Variants in CERS6 observed in about 807,000 individuals in gnomAD.
CERS6 encodes the protein LAG1 homolog, ceramide synthase 6.
CERS6 carries 26 observed loss-of-function variants against 56.8 expected under a neutral mutation model. The ratio of observed to expected loss-of-function variants is 0.46; its 90% CI spans 0.34 to 0.63. The LOEUF is 0.63. Ranked by LOEUF, CERS6 falls within the 30% of genes least tolerant of loss-of-function variation. CERS6 has a pLI of 0.01. For synonymous variants in CERS6, 164 were observed against 173.3 expected (o/e 0.95, Z 0.42); for missense variants, 415 against 467.5 (o/e 0.89, Z 1.04).
chr2:168,656,556 TAGC>T (rs1432885383), intron 4 of CERS6, among the ~76,000 whole-genome samples: 12 of 151,316 alleles, frequency 7.9e-5, no homozygotes, highest in African/African-American at 2.7e-4. Context: ...GCTCTTAAGG[TAGC>T]GCGTCTGGAG....
chr2:168,651,981 T>C (rs1454111529), intron 4 of CERS6, among the ~76,000 whole-genome samples: 2 of 152,162 alleles, frequency 1.3e-5, no homozygotes, highest in Admixed American at 6.5e-5. Context: ...CTGTGTGTTA[T>C]TGTTTACAAA....
At position 168,772,795 on chromosome 2, in the gene CERS6, C is replaced by T. The variant is rs1342241623; in HGVS notation, c.*3133C>T. The T allele has an allele frequency of 2.6e-5, 4 of 152,620 alleles. No individual in the cohort carries two copies. The highest frequency in any genetic ancestry group is 6.5e-5 in the Admixed American group (1 of 15,284). The allele number at this position is 152,620 out of a possible 1,614,324, so 9.5% of individuals were successfully genotyped here. On this transcript the variant is annotated 3_prime_UTR_variant, in exon 10 of 10. Transcript: ENST00000305747. Reference sequence around the variant, plus strand: ...GCTTTACCCCAGGGTTTATTAGCATCCTACTTCTGCTGGGCTGCATCATTA... The same window carrying T: ...GCTTTACCCCAGGGTTTATTAGCATTCTACTTCTGCTGGGCTGCATCATTA...
chr2:168,739,238 C>G (rs1014412925), intron 8 of CERS6, among the ~76,000 whole-genome samples: 1 of 151,794 alleles, frequency 6.6e-6, no homozygotes, highest in Non-Finnish European at 1.5e-5. Context: ...AATTCTGAGC[C>G]AGGCAGTGAT....
intron 6 of CERS6, among the ~76,000 whole-genome samples, chr2:168,699,383 C>G (rs569980529): frequency 5.4e-4 from 82 of 152,296 alleles, no homozygotes; most frequent in African/African-American, 1.8e-3. Flanking sequence ...AGAGTTATCA[C>G]AGTGTTTCTT....
At chr2:168,522,359 T>C (rs1198925190) in intron 1 of CERS6, among the ~76,000 whole-genome samples, 1 of 152,214 alleles carries the variant, frequency 6.6e-6, no homozygotes, top group Non-Finnish European at 1.5e-5. Flanking sequence ...ATTTATAAAC[T>C]ACCTTTTAAA....
intron 1 of CERS6, among the ~76,000 whole-genome samples, chr2:168,477,646 A>G (rs1330058023): frequency 2.6e-5 from 4 of 152,160 alleles, no homozygotes; most frequent in African/African-American, 7.2e-5. Flanking sequence ...TTTCCATGTG[A>G]ATTACCTTAA....
intron 3 of CERS6, among the ~76,000 whole-genome samples, chr2:168,604,741 TC>T (rs1165645059): frequency 6.6e-5 from 10 of 152,106 alleles, no homozygotes; most frequent in Non-Finnish European, 1.3e-4. Context: ...TGTGCCTGCT[TC>T]CCCTTTGCCT....
chr2:168,679,865 A>G (rs1255135094), intron 4 of CERS6, among the ~76,000 whole-genome samples: 9 of 152,178 alleles, frequency 5.9e-5, no homozygotes, highest in Admixed American at 5.2e-4. Context: ...ACTGATCCAC[A>G]TTGTTCTTAT....
At chr2:168,723,696 T>G (rs980403660) in intron 8 of CERS6, among the ~76,000 whole-genome samples, 5 of 152,212 alleles carry the variant, frequency 3.3e-5, no homozygotes, top group South Asian at 2.1e-4. Flanking sequence ...AATACTGTTA[T>G]GAGTTTCCTC....
intron 1 of CERS6, among the ~76,000 whole-genome samples, chr2:168,525,447 AT>A (rs1445699938): frequency 2.6e-5 from 4 of 152,202 alleles, no homozygotes; most frequent in Admixed American, 2.0e-4. Context: ...ACAAAATCTG[AT>A]TTGAGTTGGC....
chr2:168,643,878 A>G (rs530588641), intron 4 of CERS6, among the ~76,000 whole-genome samples: 2 of 152,310 alleles, frequency 1.3e-5, no homozygotes, highest in South Asian at 2.1e-4. Context: ...CTTTTGCCAT[A>G]TAAGGTAACA....
rs1185041561 is a variant in CERS6, at chr2:168,743,172, GTGTGTGTGTATGTGTGTGTGTATATATA to G, written c.846-22418_846-22391del. Among the ~76,000 whole-genome samples, 7 of 149,422 alleles carry G rather than the reference GTGTGTGTGTATGTGTGTGTGTATATATA, an allele frequency of 4.7e-5. No homozygotes were observed. In the East Asian group the frequency reaches 5.8e-4, roughly 12 times the overall value. Reference sequence around the variant, plus strand: ...CATATATATATATATATGTATGTATGTGTGTGTGTATGTGTGTGTGTATATATATATGTGTGTGTGTATGTGTGTGTGT... The same window carrying G: ...CATATATATATATATATGTATGTATGTATGTGTGTGTGTATGTGTGTGTGT... On this transcript the variant is annotated intron_variant, in intron 8 of 9. Transcript: ENST00000305747.
At chr2:168,707,005 T>C (rs998600675) in intron 6 of CERS6, among the ~76,000 whole-genome samples, 1 of 152,232 alleles carries the variant, frequency 6.6e-6, no homozygotes, top group African/African-American at 2.4e-5. Context: ...CAAACCCAAA[T>C]ATGGCCATCT....
chr2:168,502,247 C>T (rs1056464629), intron 1 of CERS6, among the ~76,000 whole-genome samples: 5 of 151,400 alleles, frequency 3.3e-5, no homozygotes, highest in Admixed American at 1.3e-4. Context: ...TTTGGACCTT[C>T]CTATAATTTT....
At chr2:168,625,988 T>C (rs1684581872) in intron 3 of CERS6, among the ~76,000 whole-genome samples, 1 of 152,124 alleles carries the variant, frequency 6.6e-6, no homozygotes, top group Admixed American at 6.5e-5. Flanking sequence ...CTTCCATTTT[T>C]AGGTATAAAA....
intron 3 of CERS6, among the ~76,000 whole-genome samples, chr2:168,625,321 T>C (rs1046930665): frequency 6.6e-6 from 1 of 152,212 alleles, no homozygotes; most frequent in Admixed American, 6.5e-5. Context: ...TCAGATTGAT[T>C]GATCACGTTA....
At chr2:168,674,699 G>T (rs964904151) in intron 4 of CERS6, among the ~76,000 whole-genome samples, 1 of 152,118 alleles carries the variant, frequency 6.6e-6, no homozygotes, top group Non-Finnish European at 1.5e-5. Flanking sequence ...TTTCTGCCTC[G>T]TGTCACAGCC....
intron 3 of CERS6, among the ~76,000 whole-genome samples, chr2:168,592,460 G>A (rs1683695326): frequency 6.6e-6 from 1 of 152,140 alleles, no homozygotes; most frequent in Non-Finnish European, 1.5e-5. Flanking sequence ...GGCAGCAATG[G>A]CAGTCACTGA....
At chr2:168,521,942 A>T (rs191300005) in intron 1 of CERS6, among the ~76,000 whole-genome samples, 7 of 152,330 alleles carry the variant, frequency 4.6e-5, no homozygotes, top group Admixed American at 4.6e-4. Context: ...AAATAGAGGC[A>T]TGTAGAGGTT....
Sources: gnomAD v4.1 joint callset for allele counts (sites outside exome capture counted in the v4.1 genomes callset) on GRCh38, gnomAD v4.1.1 for gene constraint, MANE v1.5 for transcripts, NCBI Gene and HGNC (gene_info 2026-07-23, HGNC 2026-07-21) for gene names.